The following FRMD4A variants were observed in gnomAD, a reference collection of about 807,000 sequenced individuals.
The protein encoded by FRMD4A is FERM domain containing 4A.
A neutral mutation model predicts 129.1 loss-of-function variants in FRMD4A; 29 were observed. That is an observed-to-expected ratio of 0.22 (90% CI 0.17 to 0.31). FRMD4A has a LOEUF of 0.31. Ranked by LOEUF, FRMD4A falls within the 10% of genes least tolerant of loss-of-function variation. The probability of loss-of-function intolerance (pLI) is 1.00; values close to 1 mark genes in which losing one functional copy is unlikely to be tolerated. For synonymous variants in FRMD4A, 634 were observed against 571.6 expected (o/e 1.11, Z -1.56); for missense variants, 1,272 against 1,375.8 (o/e 0.92, Z 1.19).
intron 2 of FRMD4A, among the ~76,000 whole-genome samples, chr10:13,950,927 A>C (rs1268512763): frequency 6.6e-6 from 1 of 152,242 alleles, no homozygotes; most frequent in Non-Finnish European, 1.5e-5. Context: ...CTAAGACAAG[A>C]ACATAATGCT....
intron 2 of FRMD4A, among the ~76,000 whole-genome samples, chr10:14,088,346 C>A (rs1046398654): frequency 2.0e-5 from 3 of 151,278 alleles, no homozygotes; most frequent in African/African-American, 7.3e-5. Context: ...ACTCAGGAGG[C>A]TAAGTTGGGA....
At chr10:13,710,360 T>C (rs1326371346) in intron 12 of FRMD4A, 3 of 152,258 alleles carry the variant, frequency 2.0e-5, no homozygotes, top group African/African-American at 7.2e-5. Flanking sequence ...AAGCTTTGCT[T>C]TAAGTGCTCC....
At chr10:14,263,751 C>T (rs570535575) in intron 2 of FRMD4A, among the ~76,000 whole-genome samples, 231 of 152,226 alleles carry the variant, frequency 1.5e-3, no homozygotes, top group African/African-American at 5.3e-3. Flanking sequence ...CCCCTGGAGT[C>T]GCCAGAAGAT....
chr10:14,188,998 C>A (rs1451684556), intron 2 of FRMD4A, among the ~76,000 whole-genome samples: 1 of 152,182 alleles, frequency 6.6e-6, no homozygotes. Flanking sequence ...GTCTTCACTG[C>A]CTGTTTGACA....
At chr10:13,931,800 A>G (rs988438133) in intron 2 of FRMD4A, among the ~76,000 whole-genome samples, 4 of 146,136 alleles carry the variant, frequency 2.7e-5, no homozygotes, top group African/African-American at 1.0e-4. Flanking sequence ...AAAATAGAAA[A>G]TAGCTGGGTG....
intron 12 of FRMD4A, among the ~76,000 whole-genome samples, chr10:13,737,502 T>C (rs1201529057): frequency 6.6e-6 from 1 of 152,118 alleles, no homozygotes; most frequent in Non-Finnish European, 1.5e-5. Flanking sequence ...AGAGAAATGT[T>C]ACATCATTTT....
intron 3 of FRMD4A, among the ~76,000 whole-genome samples, chr10:13,812,933 C>T (rs767943558): frequency 5.3e-5 from 8 of 152,206 alleles, no homozygotes; most frequent in South Asian, 2.1e-4. Context: ...GTCTACTCTG[C>T]GAGAATGCAG....
chr10:14,073,087 C>T (rs1441607856), intron 2 of FRMD4A, among the ~76,000 whole-genome samples: 8 of 152,092 alleles, frequency 5.3e-5, no homozygotes, highest in Non-Finnish European at 1.0e-4. Flanking sequence ...CTACGAGAAC[C>T]CCTTGTAACC....
chr10:13,963,741 G>T (rs2095463326), intron 2 of FRMD4A, among the ~76,000 whole-genome samples: 1 of 152,144 alleles, frequency 6.6e-6, no homozygotes, highest in African/African-American at 2.4e-5. Flanking sequence ...CCCTATTCTA[G>T]GTTGGTAGGT....
intron 2 of FRMD4A, among the ~76,000 whole-genome samples, chr10:14,016,916 C>T (rs2095701055): frequency 6.6e-6 from 1 of 152,212 alleles, no homozygotes; most frequent in Non-Finnish European, 1.5e-5. Context: ...AGGACAAGGC[C>T]CATCAGCATC....
chr10:13,932,312 T>C (rs2095207507), intron 2 of FRMD4A, among the ~76,000 whole-genome samples: 1 of 152,226 alleles, frequency 6.6e-6, no homozygotes, highest in South Asian at 2.1e-4. Context: ...ACATGGGTCA[T>C]GTCCTCTCTG....
At chr10:14,141,538 C>T (rs980580247) in intron 2 of FRMD4A, among the ~76,000 whole-genome samples, 64 of 151,956 alleles carry the variant, frequency 4.2e-4, no homozygotes, top group African/African-American at 1.4e-3. Context: ...ACACTGAGCA[C>T]GTACATCACA....
chr10:13,696,365 T>C (rs962022542), intron 14 of FRMD4A, among the ~76,000 whole-genome samples: 2 of 152,138 alleles, frequency 1.3e-5, no homozygotes, highest in Admixed American at 6.6e-5. Flanking sequence ...AGTAGCCCAC[T>C]CCCAAACGGT....
chr10:14,103,981 C>T (rs1837446028), intron 2 of FRMD4A, among the ~76,000 whole-genome samples: 1 of 152,206 alleles, frequency 6.6e-6, no homozygotes, highest in South Asian at 2.1e-4. Flanking sequence ...CAACTACAGA[C>T]AAGGTATGGT....
intron 3 of FRMD4A, among the ~76,000 whole-genome samples, chr10:13,818,113 T>C (rs937179425): frequency 9.9e-5 from 15 of 152,162 alleles, no homozygotes; most frequent in Non-Finnish European, 2.1e-4. Context: ...TGTACAATGA[T>C]GGACTACTGT....
At chr10:14,122,822 C>T (rs547622553) in intron 2 of FRMD4A, among the ~76,000 whole-genome samples, 3 of 152,062 alleles carry the variant, frequency 2.0e-5, no homozygotes, top group East Asian at 3.9e-4. Flanking sequence ...GGGTTTATAG[C>T]GATGTTTCAA....
At chr10:14,077,759 C>G (rs1383784917) in intron 2 of FRMD4A, among the ~76,000 whole-genome samples, 1 of 152,154 alleles carries the variant, frequency 6.6e-6, no homozygotes, top group Non-Finnish European at 1.5e-5. Context: ...GGCTTGATGT[C>G]TAATGCTTGG....
At chr10:13,776,956 T>G (rs35976662) in intron 6 of FRMD4A, among the ~76,000 whole-genome samples, 1 of 152,204 alleles carries the variant, frequency 6.6e-6, no homozygotes, top group Non-Finnish European at 1.5e-5. Context: ...ATGCCTGGCA[T>G]GGGACTAAGA....
intron 2 of FRMD4A, among the ~76,000 whole-genome samples, chr10:14,174,163 G>C (rs79248054): frequency 0.043 from 6,499 of 151,918 alleles, 227 homozygotes; most frequent in Non-Finnish European, 0.067. Context: ...CCCTCTCCCG[G>C]GTGGCGCCTC....
Sources: gnomAD v4.1 joint callset for allele counts (sites outside exome capture counted in the v4.1 genomes callset) on GRCh38, gnomAD v4.1.1 for gene constraint, MANE v1.5 for transcripts, NCBI Gene and HGNC (gene_info 2026-07-23, HGNC 2026-07-21) for gene names.